The following SLCO3A1 variants were observed in gnomAD, a reference collection of about 807,000 sequenced individuals.
SLCO3A1 encodes the protein PGE1 transporter.
Under a neutral mutation model 63.1 loss-of-function variants are expected in SLCO3A1, and 27 were observed. That is an observed-to-expected ratio of 0.43 (90% CI 0.32 to 0.59). The LOEUF (loss-of-function observed/expected upper bound fraction) is 0.59. Among genes scored for constraint, SLCO3A1 ranks in the 20% least tolerant of loss-of-function variants. The pLI is 0.09. For synonymous variants in SLCO3A1, 473 were observed against 409.9 expected, an observed-to-expected ratio of 1.15 and a Z score of -1.86; for missense variants, 773 against 945.8, an observed-to-expected ratio of 0.82 and a Z score of 2.40.
At chr15:91,870,314 TAACAG>T (rs1391573550) in intron 1 of SLCO3A1, among the ~76,000 whole-genome samples, 1 of 152,244 alleles carries the variant, frequency 6.6e-6, no homozygotes, top group Admixed American at 6.5e-5. Flanking sequence ...CACTGAAACT[TAACAG>T]AAGACTTCAG....
chr15:92,042,664 G>A (rs2046813925), intron 2 of SLCO3A1, among the ~76,000 whole-genome samples: 1 of 152,152 alleles, frequency 6.6e-6, no homozygotes, highest in African/African-American at 2.4e-5. Context: ...CAACTTTAAT[G>A]TGCCTCAAAG....
chr15:92,028,377 G>A (rs575023476), intron 2 of SLCO3A1, among the ~76,000 whole-genome samples: 5 of 152,216 alleles, frequency 3.3e-5, no homozygotes, highest in South Asian at 2.1e-4. Context: ...GAATAGCTCC[G>A]GCTCCTGCCC....
At chr15:92,135,034 C>T (rs2048039583) in intron 7 of SLCO3A1, among the ~76,000 whole-genome samples, 1 of 152,180 alleles carries the variant, frequency 6.6e-6, no homozygotes, top group African/African-American at 2.4e-5. Context: ...AAGGGCCAGG[C>T]TTTCATCATG....
rs1033824491 is a variant in SLCO3A1, at chr15:91,885,114, G to T, written c.181-30879G>T. 1.3e-5 allele frequency among the ~76,000 whole-genome samples: 2 copies of T among 152,194 alleles called. No individual in the cohort carries two copies. Among genetic ancestry groups the T allele is most frequent in the African/African-American group, 2.4e-5 (1 of 41,450 alleles). On this transcript the variant is annotated intron_variant, in intron 1 of 9. Transcript: ENST00000318445. The surrounding 1 kb of genome is among the most constrained non-coding windows in gnomAD (Gnocchi z 4.7). ...GGGACACAGAAAGGAGGTGATGGGG[G>T]TGGTGCTGAGCCTGCCCGCCTGCTC...
Position 91,854,379 on chromosome 15 carries a change from T to G in SLCO3A1, c.180+291T>G. ...CGGCGGGCAGGTGGGCGTGAAACTATTCCTCTCCCCCCATAAGAGCGGAGC... is the reference window on the plus strand; with the variant it reads ...CGGCGGGCAGGTGGGCGTGAAACTAGTCCTCTCCCCCCATAAGAGCGGAGC... On this transcript the variant is annotated intron_variant, in intron 1 of 9. Coordinates refer to ENST00000318445, the MANE Select transcript of SLCO3A1 (RefSeq NM_013272.4). The surrounding 1 kb of genome is among the most constrained non-coding windows in gnomAD (Gnocchi z 6.4). 8 of 1,064,790 alleles carry G rather than the reference T, an allele frequency of 7.5e-6. No homozygotes were observed. Among genetic ancestry groups the G allele is most frequent in the East Asian group, 1.2e-4 (2 of 16,076 alleles). The allele number at this position is 1,064,790 out of a possible 1,614,324, so 66.0% of individuals were successfully genotyped here.
chr15:92,156,457 C>T lies in SLCO3A1; in HGVS notation c.1753+5443C>T, dbSNP rs147875095. Among the ~76,000 whole-genome samples, 626 of 152,332 alleles carry T rather than the reference C, an allele frequency of 4.1e-3. 3 individuals are homozygous for T. The highest frequency in any genetic ancestry group is 7.0e-3 in the South Asian group (34 of 4,826). On this transcript the variant is annotated intron_variant, in intron 9 of 9. Coordinates refer to ENST00000318445, the MANE Select transcript of SLCO3A1 (RefSeq NM_013272.4). ...ACCATGGGCCCTCTAAAGTCAGTCA[C>T]ACCTGCTCTTGAGCCTAGCTCTGCC...
At chr15:92,165,979 T>G, downstream of SLCO3A1, 2 of 771,554 alleles carry the variant, frequency 2.6e-6, no homozygotes, top group Non-Finnish European at 3.1e-6. Context: ...ATGAAAAGTC[T>G]CTCTCTGCTG....
At chr15:92,106,030 C>G (rs144147428) in intron 4 of SLCO3A1, among the ~76,000 whole-genome samples, 1 of 152,310 alleles carries the variant, frequency 6.6e-6, no homozygotes, top group East Asian at 1.9e-4. Flanking sequence ...TTCTTTTCCA[C>G]GAATGTAAAA....
intron 2 of SLCO3A1, among the ~76,000 whole-genome samples, chr15:91,966,632 A>G (rs1428533306): frequency 6.6e-6 from 1 of 152,220 alleles, no homozygotes; most frequent in Admixed American, 6.5e-5. Flanking sequence ...GGCAGTGATG[A>G]TGATGTGCTT....
At chr15:91,931,882 G>A (rs1031417245) in intron 2 of SLCO3A1, among the ~76,000 whole-genome samples, 9 of 151,826 alleles carry the variant, frequency 5.9e-5, no homozygotes, top group Admixed American at 2.6e-4. Context: ...CAAAAGCCAA[G>A]CATGTTCTTT....
At chr15:91,985,323 C>T (rs7177169) in intron 2 of SLCO3A1, among the ~76,000 whole-genome samples, 2 of 152,310 alleles carry the variant, frequency 1.3e-5, no homozygotes, top group East Asian at 3.9e-4. Flanking sequence ...TGTTTAAGTG[C>T]AGCACTCCAT....
intron 1 of SLCO3A1, among the ~76,000 whole-genome samples, chr15:91,861,511 C>T (rs183989955): frequency 2.0e-5 from 3 of 152,164 alleles, no homozygotes; most frequent in Admixed American, 6.5e-5. Flanking sequence ...TCTTTAAACA[C>T]GGAATAGTTG....
chr15:92,024,197 C>A (rs997229466), intron 2 of SLCO3A1, among the ~76,000 whole-genome samples: 1 of 152,232 alleles, frequency 6.6e-6, no homozygotes, highest in African/African-American at 2.4e-5. Flanking sequence ...CTGATGCAAT[C>A]CCCACTTCCA....
chr15:92,158,735 C>A (rs575950754), intron 9 of SLCO3A1, among the ~76,000 whole-genome samples: 52 of 152,258 alleles, frequency 3.4e-4, no homozygotes, highest in African/African-American at 1.2e-3. Context: ...CAGGTGAGTT[C>A]CAGAATGGCA....
chr15:92,147,658 A>G (rs1426853350), intron 8 of SLCO3A1, among the ~76,000 whole-genome samples: 3 of 152,160 alleles, frequency 2.0e-5, no homozygotes, highest in African/African-American at 4.8e-5. Context: ...TTGACGGGTT[A>G]TTGTGCAGCA....
rs1376352649 is a variant in SLCO3A1, at chr15:91,948,223, T to A, written c.646+31765T>A. Among the ~76,000 whole-genome samples the A allele has an allele frequency of 6.6e-6, 1 of 152,092 alleles. No individual in the cohort carries two copies. The highest frequency in any genetic ancestry group is 1.9e-4 in the East Asian group (1 of 5,180). On this transcript the variant is annotated intron_variant, in intron 2 of 9. Coordinates refer to ENST00000318445, the MANE Select transcript of SLCO3A1 (RefSeq NM_013272.4). The surrounding 1 kb of genome is among the most constrained non-coding windows in gnomAD (Gnocchi z 4.8). ...AATGAATGCCGACCTCCGGGAAGCTTTTTCCACTCCTGCTTGGCGCATGAG... is the reference window on the plus strand; with the variant it reads ...AATGAATGCCGACCTCCGGGAAGCTATTTCCACTCCTGCTTGGCGCATGAG...
chr15:92,016,888 G>A (rs2046444373), intron 2 of SLCO3A1, among the ~76,000 whole-genome samples: 1 of 152,146 alleles, frequency 6.6e-6, no homozygotes, highest in Non-Finnish European at 1.5e-5. Flanking sequence ...TGAGTTATGT[G>A]GGATTAAGAT....
chr15:92,105,944 G>A (rs2047662585), intron 4 of SLCO3A1, among the ~76,000 whole-genome samples: 1 of 152,228 alleles, frequency 6.6e-6, no homozygotes, highest in African/African-American at 2.4e-5. Context: ...GATTTGTGGA[G>A]AGAAGCTTGA....
chr15:92,115,433 A>G (rs1024567388), intron 4 of SLCO3A1, among the ~76,000 whole-genome samples: 3 of 152,152 alleles, frequency 2.0e-5, no homozygotes, highest in African/African-American at 7.2e-5. Context: ...AACACTACAC[A>G]TGACAAGGAG....
Sources: gnomAD v4.1 joint callset for allele counts (sites outside exome capture counted in the v4.1 genomes callset) on GRCh38, gnomAD v4.1.1 for gene constraint, Gnocchi (gnomAD v3.1) non-coding constraint, MANE v1.5 for transcripts, NCBI Gene and HGNC (gene_info 2026-07-23, HGNC 2026-07-21) for gene names.